RPGRIP1: variants seen among roughly 807,000 people sequenced by gnomAD.
RPGRIP1 encodes the protein X-linked retinitis pigmentosa GTPase regulator-interacting protein 1.
RPGRIP1 carries 128 observed loss-of-function variants against 157.9 expected under a neutral mutation model. That is an observed-to-expected ratio of 0.81 (90% CI 0.70 to 0.94). The LOEUF is 0.94. Ranked by LOEUF, RPGRIP1 falls within the 40% of genes least tolerant of loss-of-function variation. RPGRIP1 has a pLI of 0.00. For missense variants in RPGRIP1, 1,486 were observed against 1,545.8 expected (o/e 0.96, Z 0.65); for synonymous variants, 554 against 571.6 (o/e 0.97, Z 0.44).
intron 10 of RPGRIP1, among the ~76,000 whole-genome samples, chr14:21,313,147 T>G (rs926885413): frequency 4.3e-5 from 6 of 140,740 alleles, no homozygotes; most frequent in Admixed American, 7.7e-5. Flanking sequence ...CCAAATTTTT[T>G]GGGGGGCTGG....
chr14:21,317,803 A>G lies in RPGRIP1; in HGVS notation c.1259A>G (p.Glu420Gly). ...CAGCTGCAGGATCAGCTGGATGCTG[A>G]GCTGGAGGACAAGAGAAAAGTTTTA... ...VSQLQDQLDA[E>G]LEDKRKVLLE... The change falls in exon 11 of 25, where the codon GAG (glutamate) becomes GGG (glycine). Residue 420 changes from glutamate to glycine, a missense_variant. Physicochemically the swap from Glu to Gly is moderately conservative, Grantham distance 98. Transcript: ENST00000400017. 1 of 1,605,910 alleles carries G rather than the reference A, an allele frequency of 6.2e-7. No homozygotes were observed. Among genetic ancestry groups the G allele is most frequent in the East Asian group, 2.2e-5 (1 of 44,742 alleles).
At chr14:21,349,228 G>A (rs1276625551) in intron 24 of RPGRIP1, among the ~76,000 whole-genome samples, 7 of 149,700 alleles carry the variant, frequency 4.7e-5, no homozygotes, top group African/African-American at 1.5e-4. Flanking sequence ...CTGCCACCAC[G>A]CCAGCTAATT....
At chr14:21,301,287 T>A in intron 4 of RPGRIP1, 50 bp downstream of exon 4, 1 of 1,529,718 alleles carries the variant, frequency 6.5e-7, no homozygotes, top group Non-Finnish European at 8.8e-7. Context: ...TGGGAAGGAC[T>A]GATGTGCCAG....
At chr14:21,283,553 G>A (rs1178028986) in intron 1 of RPGRIP1, among the ~76,000 whole-genome samples, 2 of 151,934 alleles carry the variant, frequency 1.3e-5, no homozygotes, top group Non-Finnish European at 2.9e-5. Context: ...TGCCCGCCTC[G>A]GCCTCCCAAA....
In RPGRIP1 at chr14:21,300,990, G is replaced by T; in HGVS notation, c.243G>T (p.Leu81Phe). The T allele has an allele frequency of 1.2e-6, 2 of 1,612,900 alleles. No homozygotes were observed. The highest frequency in any genetic ancestry group is 2.2e-5 in the South Asian group (2 of 91,034). ...GGCTGAGGACCACCTTGCTGCGGTT[G>T]ACCGCTGCTGGCCGGGACCTGCGGG... is the stretch of plus-strand genomic sequence containing the variant. ...IKRLRTTLLR[L>F]TAAGRDLRVA... The change falls in exon 4 of 25, where the codon TTG becomes TTT. Residue 81 changes from leucine to phenylalanine, a missense_variant. Transcript: ENST00000400017.
At chr14:21,293,992 G>C (rs1880647782) in intron 2 of RPGRIP1, among the ~76,000 whole-genome samples, 1 of 143,958 alleles carries the variant, frequency 6.9e-6, no homozygotes, top group South Asian at 2.2e-4. Context: ...GGTGGAGGTT[G>C]CAGTGAGCCA....
In RPGRIP1 at chr14:21,327,485, A is replaced by C. The variant is rs945895834; in HGVS notation, c.2711-138A>C. 4 of 701,586 alleles carry C rather than the reference A, an allele frequency of 5.7e-6. No individual in the cohort carries two copies. The African/African-American group carries it at 7.1e-5, about 12-fold the overall frequency. The allele number at this position is 701,586 out of a possible 1,614,324, so 43.5% of individuals were successfully genotyped here. ...TACTTCTGAGTGTATCATCATCGTA[A>C]TTATTTAATGGATGTTAATTAATTG... On this transcript the variant is annotated intron_variant, in intron 17 of 24. Coordinates refer to ENST00000400017, the MANE Select transcript of RPGRIP1 (RefSeq NM_020366.4).
chr14:21,333,389 A>C (rs1883990473), intron 20 of RPGRIP1, among the ~76,000 whole-genome samples: 1 of 152,230 alleles, frequency 6.6e-6, no homozygotes, highest in South Asian at 2.1e-4. Context: ...TTGAGACCTC[A>C]GTGAAACAGA....
At chr14:21,328,720 C>A in intron 19 of RPGRIP1, 93 bp downstream of exon 19, 3 of 922,286 alleles carry the variant, frequency 3.3e-6, no homozygotes, top group African/African-American at 1.7e-5. Flanking sequence ...CAGAAGCAGA[C>A]ACACAAGATA....
rs760810326 is a variant in RPGRIP1 at position 21,303,327 on chromosome 14, T to C, written c.588-4T>C. The C allele has an allele frequency of 1.2e-6, 2 of 1,605,188 alleles. No individual in the cohort carries two copies. The highest frequency in any genetic ancestry group is 1.7e-6 in the Non-Finnish European group (2 of 1,173,470). On this transcript the variant is annotated splice_region_variant and splice_polypyrimidine_tract_variant and intron_variant, in intron 5 of 24. Coordinates refer to ENST00000400017, the MANE Select transcript of RPGRIP1 (RefSeq NM_020366.4). ...CAGTTTCTAAGTATCCTTTTTGTAT[T>C]TAGTGTTTCTGGTTCTAACAGCATA...
intron 11 of RPGRIP1, among the ~76,000 whole-genome samples, chr14:21,319,413 T>G (rs1449420803): frequency 6.6e-6 from 1 of 151,900 alleles, no homozygotes; most frequent in Admixed American, 6.6e-5. Flanking sequence ...AACACGAAAA[T>G]TAGCCAGTCG....
Position 21,288,756 on chromosome 14 carries a change from C to T in RPGRIP1, c.85+695C>T, listed in dbSNP as rs192703184. Reference sequence around the variant, plus strand: ...CTCGAACTCCTGACCTCAAGTGATCCGCCTGCCTCGGTCTCCCAACGTGCT... The same window carrying T: ...CTCGAACTCCTGACCTCAAGTGATCTGCCTGCCTCGGTCTCCCAACGTGCT... On this transcript the variant is annotated intron_variant, in intron 2 of 24. Coordinates refer to ENST00000400017, the MANE Select transcript of RPGRIP1 (RefSeq NM_020366.4). 4.0e-5 allele frequency among the ~76,000 whole-genome samples: 6 copies of T among 151,706 alleles called. No homozygotes were observed. The East Asian group carries it at 7.9e-4, about 20-fold the overall frequency.
In RPGRIP1 at chr14:21,330,994, C is replaced by T. The variant is rs568015854; in HGVS notation, c.3238+607C>T. 5.3e-5 allele frequency among the ~76,000 whole-genome samples: 8 copies of T among 152,042 alleles called. No individual in the cohort carries two copies. In the East Asian group the frequency reaches 1.4e-3, roughly 26 times the overall value. ...GCAGGATCTCAGCTCACTGCAAGCT[C>T]TGCCTCCTGGGTTCAAGCAATTCTC... On this transcript the variant is annotated intron_variant, in intron 20 of 24. Coordinates refer to ENST00000400017, the MANE Select transcript of RPGRIP1 (RefSeq NM_020366.4).
chr14:21,289,431 C>T (rs889306649), intron 2 of RPGRIP1, among the ~76,000 whole-genome samples: 1 of 152,008 alleles, frequency 6.6e-6, no homozygotes, highest in Admixed American at 6.6e-5. Context: ...CACTTGAGCC[C>T]GGGAGTCCAA....
intron 14 of RPGRIP1, 110 bp downstream of exon 14, chr14:21,322,114 G>T: frequency 1.2e-6 from 1 of 853,336 alleles, no homozygotes; most frequent in South Asian, 2.4e-5. Context: ...CTTAGCATAT[G>T]ACTTATCCTT....
At chr14:21,307,090 G>T (rs1321895637) in intron 6 of RPGRIP1, among the ~76,000 whole-genome samples, 1 of 151,540 alleles carries the variant, frequency 6.6e-6, no homozygotes, top group Admixed American at 6.6e-5. Context: ...GTTATTTTTT[G>T]AGACAGAATC....
chr14:21,318,799 T>C (rs1014406172), intron 11 of RPGRIP1, among the ~76,000 whole-genome samples: 5 of 152,132 alleles, frequency 3.3e-5, no homozygotes, highest in African/African-American at 1.2e-4. Context: ...TGAATTTCTT[T>C]GTCTTTTATC....
At chr14:21,301,281 A>T (rs1346144754) in intron 4 of RPGRIP1, 44 bp downstream of exon 4, 2 of 1,546,870 alleles carry the variant, frequency 1.3e-6, no homozygotes, top group African/African-American at 2.8e-5. Flanking sequence ...AGACACTGGG[A>T]AGGACTGATG....
chr14:21,334,109 A>G (rs147055031), intron 20 of RPGRIP1, among the ~76,000 whole-genome samples: 2,926 of 151,840 alleles, frequency 0.019, 98 homozygotes, highest in African/African-American at 0.067. Context: ...TTTAGTAGAG[A>G]CGGGGCTTCA....
Sources: gnomAD v4.1 joint callset for allele counts (sites outside exome capture counted in the v4.1 genomes callset) on GRCh38, gnomAD v4.1.1 for gene constraint, MANE v1.5 for transcripts, NCBI Gene and HGNC (gene_info 2026-07-23, HGNC 2026-07-21) for gene names.